The following PCDH9 variants were observed in gnomAD, a reference collection of about 807,000 sequenced individuals.
The protein encoded by PCDH9 is protocadherin 9.
A neutral mutation model predicts 70.6 loss-of-function variants in PCDH9; 24 were observed. The ratio of observed to expected loss-of-function variants is 0.34; its 90% confidence interval spans 0.25 to 0.48. The LOEUF is 0.48. PCDH9 is among the 20% of genes least tolerant of loss of function. The pLI is 0.99. For synonymous variants in PCDH9, 562 were observed against 558.5 expected (o/e 1.01, Z -0.09); for missense variants, 1,281 against 1,503.6 (o/e 0.85, Z 2.45).
chr13:66,862,236 T>G (rs1008583790), intron 3 of PCDH9, among the ~76,000 whole-genome samples: 3 of 152,212 alleles, frequency 2.0e-5, no homozygotes, highest in African/African-American at 7.2e-5. Context: ...AGCATTTCTT[T>G]TTCTTATCTT....
At chr13:66,507,002 T>C (rs1257191648) in intron 4 of PCDH9, among the ~76,000 whole-genome samples, 1 of 152,232 alleles carries the variant, frequency 6.6e-6, no homozygotes, top group Non-Finnish European at 1.5e-5. Context: ...GAGACTTGCA[T>C]ATTTTTATTG....
At chr13:66,483,965 C>T (rs1041807898) in intron 4 of PCDH9, among the ~76,000 whole-genome samples, 1 of 152,072 alleles carries the variant, frequency 6.6e-6, no homozygotes, top group African/African-American at 2.4e-5. Flanking sequence ...CCCCACATGC[C>T]TGCAGGCCAT....
chr13:67,149,018 A>G (rs570421503), intron 2 of PCDH9, among the ~76,000 whole-genome samples: 3 of 152,298 alleles, frequency 2.0e-5, no homozygotes, highest in African/African-American at 4.8e-5. Flanking sequence ...AAACTTACAA[A>G]GGTTTTTACC....
At chr13:66,382,122 A>C (rs1425339387) in intron 4 of PCDH9, among the ~76,000 whole-genome samples, 2 of 152,218 alleles carry the variant, frequency 1.3e-5, no homozygotes, top group African/African-American at 4.8e-5. Context: ...AAAGTAGTAT[A>C]ATCTTTCCTT....
chr13:66,559,816 AAAT>A (rs1358209093), intron 4 of PCDH9, among the ~76,000 whole-genome samples: 15 of 64,574 alleles, frequency 2.3e-4, no homozygotes, highest in African/African-American at 5.2e-4. Context: ...AAAAAAAAAA[AAAT>A]ATATATATAT....
At chr13:66,848,462 C>T (rs954012835) in intron 3 of PCDH9, among the ~76,000 whole-genome samples, 1 of 152,116 alleles carries the variant, frequency 6.6e-6, no homozygotes, top group Non-Finnish European at 1.5e-5. Context: ...GCATTAACAG[C>T]AGATCCTGAG....
At chr13:67,146,683 C>T (rs2087530518) in intron 2 of PCDH9, among the ~76,000 whole-genome samples, 2 of 152,186 alleles carry the variant, frequency 1.3e-5, no homozygotes, top group Admixed American at 6.6e-5. Context: ...CATTTAGAAG[C>T]GGCAGTGGTT....
At chr13:66,443,457 T>C (rs1428116885) in intron 4 of PCDH9, among the ~76,000 whole-genome samples, 1 of 152,192 alleles carries the variant, frequency 6.6e-6, no homozygotes, top group Non-Finnish European at 1.5e-5. Context: ...TTTTGTGTGA[T>C]TTTTTACATA....
chr13:67,117,819 A>AT (rs2086806816), intron 2 of PCDH9, among the ~76,000 whole-genome samples: 1 of 152,186 alleles, frequency 6.6e-6, no homozygotes, highest in Non-Finnish European at 1.5e-5. Flanking sequence ...AAAATGTCAT[A>AT]TCTCAAATAT....
At chr13:66,629,378 A>C (rs1248516669) in intron 4 of PCDH9, among the ~76,000 whole-genome samples, 2 of 152,192 alleles carry the variant, frequency 1.3e-5, no homozygotes, top group African/African-American at 4.8e-5. Context: ...TACTTCAACA[A>C]GAGATGTTTT....
chr13:66,734,177 A>G (rs539612540), intron 3 of PCDH9, among the ~76,000 whole-genome samples: 1 of 152,284 alleles, frequency 6.6e-6, no homozygotes, highest in South Asian at 2.1e-4. Flanking sequence ...GCATGTGGGC[A>G]TTTAATCAAT....
intron 3 of PCDH9, among the ~76,000 whole-genome samples, chr13:66,852,054 G>A (rs2081323228): frequency 6.6e-6 from 1 of 151,748 alleles, no homozygotes; most frequent in African/African-American, 2.4e-5. Flanking sequence ...TCAGTTCATG[G>A]CTCTACCCTT....
chr13:66,655,148 T>A (rs1410834344), intron 3 of PCDH9, among the ~76,000 whole-genome samples: 2 of 151,838 alleles, frequency 1.3e-5, no homozygotes, highest in African/African-American at 4.8e-5. Context: ...TTCTGGGAAC[T>A]ACAGAAGACA....
chr13:66,658,765 T>C (rs1414088224), intron 3 of PCDH9, among the ~76,000 whole-genome samples: 1 of 152,194 alleles, frequency 6.6e-6, no homozygotes, highest in Non-Finnish European at 1.5e-5. Context: ...TACTTTGCAA[T>C]CTATGACTTT....
intron 3 of PCDH9, among the ~76,000 whole-genome samples, chr13:66,881,954 C>T (rs758224575): frequency 7.2e-5 from 11 of 152,142 alleles, no homozygotes; most frequent in Non-Finnish European, 1.6e-4. Context: ...TTAGTAGTGA[C>T]ATTATTTTAT....
chr13:66,562,367 T>C (rs1281597651), intron 4 of PCDH9, among the ~76,000 whole-genome samples: 1 of 152,124 alleles, frequency 6.6e-6, no homozygotes, highest in East Asian at 1.9e-4. Flanking sequence ...ATAGCAGATA[T>C]ACTAAATGCC....
At chr13:67,085,720 T>G (rs2086093687) in intron 2 of PCDH9, among the ~76,000 whole-genome samples, 1 of 152,168 alleles carries the variant, frequency 6.6e-6, no homozygotes, top group South Asian at 2.1e-4. Flanking sequence ...ACAAGCAATA[T>G]TCCAACAAAC....
intron 3 of PCDH9, among the ~76,000 whole-genome samples, chr13:66,855,267 T>C (rs1334261161): frequency 6.6e-6 from 1 of 152,130 alleles, no homozygotes; most frequent in Non-Finnish European, 1.5e-5. Context: ...ATGTCATTTC[T>C]CTCATTCACT....
chr13:67,160,382 A>G (rs2087922798), intron 2 of PCDH9, among the ~76,000 whole-genome samples: 1 of 151,932 alleles, frequency 6.6e-6, no homozygotes. Flanking sequence ...TGTATCTACT[A>G]AAAATACAAA....
Sources: allele counts gnomAD v4.1 joint callset (sites outside exome capture counted in the v4.1 genomes callset), GRCh38; gene constraint gnomAD v4.1.1; transcripts MANE v1.5; gene names NCBI Gene and HGNC (gene_info 2026-07-23, HGNC 2026-07-21).